The following DAAM2 variants were observed in gnomAD, a reference collection of about 807,000 sequenced individuals.
DAAM2 encodes the protein dishevelled associated activator of morphogenesis 2.
DAAM2 carries 39 observed loss-of-function variants against 120.7 expected under a neutral mutation model. That is an observed-to-expected ratio of 0.32 (90% CI 0.25 to 0.42). The LOEUF (loss-of-function observed/expected upper bound fraction) is 0.42. DAAM2 is among the 10% of genes least tolerant of loss of function. The probability of loss-of-function intolerance (pLI) is 1.00; values close to 1 mark genes in which losing one functional copy is unlikely to be tolerated. For missense variants in DAAM2, 1,283 were observed against 1,401.7 expected (o/e 0.92, Z 1.35); for synonymous variants, 488 against 524.9 (o/e 0.93, Z 0.96).
intron 1 of DAAM2, among the ~76,000 whole-genome samples, chr6:39,852,548 C>A (rs1027706818): frequency 6.6e-6 from 1 of 152,196 alleles, no homozygotes; most frequent in Non-Finnish European, 1.5e-5. Flanking sequence ...CTGGGCAGGG[C>A]GAGTCTTACC....
At chr6:39,900,416 G>T (rs1766409399) in intron 23 of DAAM2, among the ~76,000 whole-genome samples, 1 of 152,220 alleles carries the variant, frequency 6.6e-6, no homozygotes, top group Admixed American at 6.5e-5. Flanking sequence ...CAGGCACCAT[G>T]TTAAGTGTTT....
Position 39,904,789 on chromosome 6 carries a change from A to G in DAAM2, c.*2752A>G, listed in dbSNP as rs1445292424. The G allele has an allele frequency of 6.6e-6, 3 of 453,986 alleles. No individual in the cohort carries two copies. Among genetic ancestry groups the G allele is most frequent in the Non-Finnish European group, 1.3e-5 (3 of 226,796 alleles). The allele number at this position is 453,986 out of a possible 1,614,324, so 28.1% of individuals were successfully genotyped here. On this transcript the variant is annotated 3_prime_UTR_variant, in exon 25 of 25. Coordinates refer to ENST00000274867, the MANE Select transcript of DAAM2 (RefSeq NM_001201427.2). ...AATGAGGCTAATGGACATAATCTACAGTGTCCTTTTTCACTTGCACCTTTT... is the reference window on the plus strand; with the variant it reads ...AATGAGGCTAATGGACATAATCTACGGTGTCCTTTTTCACTTGCACCTTTT...
intron 14 of DAAM2, chr6:39,882,433 C>T (rs1485107098): frequency 1.3e-5 from 2 of 151,992 alleles, no homozygotes; most frequent in South Asian, 2.1e-4. Context: ...CGCTGCAGCC[C>T]GTTTCTTCTC....
At chr6:39,884,241 TTTTATTC>T in intron 15 of DAAM2, 172 bp downstream of exon 15, 1 of 563,752 alleles carries the variant, frequency 1.8e-6, no homozygotes, top group East Asian at 2.8e-5. Context: ...TACTGAATGA[TTTTATTC>T]TTTATGAGGT....
chr6:39,853,486 C>T (rs1470291301), intron 1 of DAAM2, among the ~76,000 whole-genome samples: 2 of 152,260 alleles, frequency 1.3e-5, no homozygotes, highest in Non-Finnish European at 2.9e-5. Context: ...GCCACTGTGC[C>T]TCACTCCCCG....
chr6:39,869,790 T>TA (rs1264815292), intron 7 of DAAM2, among the ~76,000 whole-genome samples: 1 of 148,138 alleles, frequency 6.8e-6, no homozygotes, highest in African/African-American at 2.5e-5. Context: ...TAAAAACAAT[T>TA]TATCTTTATG....
chr6:39,808,807 TG>T (rs1451220893), intron 1 of DAAM2, among the ~76,000 whole-genome samples: 1 of 152,258 alleles, frequency 6.6e-6, no homozygotes, highest in Non-Finnish European at 1.5e-5. Context: ...CGGGTTGGCG[TG>T]GTGCTTGCAC....
rs1256133815 is a variant in DAAM2 at position 39,902,805 on chromosome 6, A to G, written c.*768A>G. The G allele has an allele frequency of 2.0e-5, 3 of 152,296 alleles. No homozygotes were observed. Among genetic ancestry groups the G allele is most frequent in the African/African-American group, 4.8e-5 (2 of 41,424 alleles). 9.4% of individuals were successfully genotyped at this position (152,296 alleles called of 1,614,324 possible). On this transcript the variant is annotated 3_prime_UTR_variant, in exon 25 of 25. Coordinates refer to ENST00000274867, the MANE Select transcript of DAAM2 (RefSeq NM_001201427.2). ...GTTTCCACAGCTATGGCTCACTACC[A>G]GGTGCTTGATGAATCTGGCGAGGGG...
chr6:39,837,850 A>G (rs1158448708), intron 1 of DAAM2, among the ~76,000 whole-genome samples: 1 of 152,132 alleles, frequency 6.6e-6, no homozygotes, highest in East Asian at 1.9e-4. Flanking sequence ...GAATTTAATG[A>G]GATGGCATAT....
chr6:39,884,413 G>A (rs939248746), intron 15 of DAAM2: 26 of 216,974 alleles, frequency 1.2e-4, no homozygotes, highest in African/African-American at 5.6e-4. Context: ...CGGAGGTAGA[G>A]TCGCAAGGCC....
intron 2 of DAAM2, among the ~76,000 whole-genome samples, chr6:39,858,225 T>C (rs907612595): frequency 1.3e-5 from 2 of 152,152 alleles, no homozygotes; most frequent in African/African-American, 2.4e-5. Flanking sequence ...CCATGGAAGA[T>C]TTTAAGTAGG....
intron 1 of DAAM2, among the ~76,000 whole-genome samples, chr6:39,828,996 A>T (rs1046843715): frequency 6.6e-6 from 1 of 152,256 alleles, no homozygotes; most frequent in Non-Finnish European, 1.5e-5. Context: ...GGGCTAACGC[A>T]TAGTAGGTCC....
chr6:39,888,584 C>A, intron 16 of DAAM2, 95 bp from the exon 17 acceptor site: 1 of 1,008,302 alleles, frequency 9.9e-7, no homozygotes, highest in Non-Finnish European at 1.5e-6. Flanking sequence ...AATATATTCC[C>A]AAGTCCTGTT....
intron 9 of DAAM2, 70 bp from the exon 10 acceptor site, chr6:39,873,168 A>C: frequency 1.0e-6 from 1 of 978,366 alleles, no homozygotes; most frequent in Non-Finnish European, 1.6e-6. Context: ...GGATGGAAGC[A>C]GGGTCTTCTC....
intron 5 of DAAM2, among the ~76,000 whole-genome samples, chr6:39,866,136 G>A (rs748112314): frequency 6.6e-6 from 1 of 152,214 alleles, no homozygotes; most frequent in Non-Finnish European, 1.5e-5. Context: ...AAGAATGGGA[G>A]CATCCCAATT....
rs1439350633 is a variant in DAAM2 at position 39,904,675 on chromosome 6, A to G, written c.*2638A>G. ...CCCTACTCCCATCCCATTTCCACCA[A>G]CTGGGGAACTGTGACTATCTATCTC... On this transcript the variant is annotated 3_prime_UTR_variant, in exon 25 of 25. Coordinates refer to ENST00000274867, the MANE Select transcript of DAAM2 (RefSeq NM_001201427.2). 1 of 453,628 alleles carries G rather than the reference A, an allele frequency of 2.2e-6. No homozygotes were observed. 28.1% of individuals were successfully genotyped at this position (453,628 alleles called of 1,614,324 possible).
Position 39,873,337 on chromosome 6 carries a change from C to A in DAAM2, c.1144C>A (p.His382Asn). 1.2e-6 allele frequency: 2 copies of A among 1,611,780 alleles called. No homozygotes were observed. The highest frequency in any genetic ancestry group is 8.5e-7 in the Non-Finnish European group (1 of 1,178,292). Residue 382 changes from histidine to asparagine, a missense_variant, in exon 10 of 25, where the codon CAC becomes AAC. By Grantham distance (68) the His-to-Asn change is moderately conservative. Coordinates refer to ENST00000274867, the MANE Select transcript of DAAM2 (RefSeq NM_001201427.2). ...AYPCLLSVLH[H>N]CLQMPYKRNG... ...CCCCTGCCTGCTCTCTGTGCTGCAC[C>A]ACTGCCTGCAGATGCCCTGTAAGTA...
chr6:39,881,739 G>A (rs1470379430), intron 14 of DAAM2: 1 of 152,164 alleles, frequency 6.6e-6, no homozygotes, highest in Non-Finnish European at 1.5e-5. Flanking sequence ...AGAGATTGCT[G>A]TGAGGATTAG....
chr6:39,900,192 A>T lies in DAAM2; in HGVS notation c.2795A>T (p.Asn932Ile), dbSNP rs201309255. 57 of 1,610,072 alleles carry T rather than the reference A, an allele frequency of 3.5e-5. No individual in the cohort carries two copies. The highest frequency in any genetic ancestry group is 4.8e-5 in the Non-Finnish European group (57 of 1,178,318). Residue 932 changes from asparagine (N) to isoleucine (I), a missense_variant, in exon 23 of 25, where the codon AAT becomes ATT. Around this residue, in one of 3 missense-constraint regions of DAAM2, gnomAD observed 748 missense variants for 768.6 expected, o/e 0.97. Transcript: ENST00000274867. ...FSFSELEDQL[N>I]EARDKFAKAL... ...TTCTCCGAGCTGGAGGACCAGCTAA[A>T]TGAGGCCAGGGACAAGGTAAGGGTG...
Sources: allele counts gnomAD v4.1 joint callset (sites outside exome capture counted in the v4.1 genomes callset), GRCh38; gene constraint gnomAD v4.1.1; regional missense constraint gnomAD v4.1.1; transcripts MANE v1.5; gene names NCBI Gene and HGNC (gene_info 2026-07-23, HGNC 2026-07-21).